Variants in ACACA observed in about 807,000 individuals in gnomAD.
ACACA encodes acetyl-CoA carboxylase alpha.
Under a neutral mutation model 296.1 loss-of-function variants are expected in ACACA, and 103 were observed. The ratio of observed to expected loss-of-function variants is 0.35; its 90% confidence interval spans 0.30 to 0.41. The LOEUF (loss-of-function observed/expected upper bound fraction) is 0.41, where lower values mean the gene tolerates loss of function less well. Among genes scored for constraint, ACACA ranks in the 10% least tolerant of loss-of-function variants. The pLI, the probability that ACACA is intolerant of heterozygous loss-of-function variation, is 1.00. For missense variants in ACACA, 1,554 were observed against 2,989.7 expected, an observed-to-expected ratio of 0.52 and a Z score of 11.20; for synonymous variants, 953 against 1,038.6, an observed-to-expected ratio of 0.92 and a Z score of 1.58.
intron 1 of ACACA, among the ~76,000 whole-genome samples, chr17:37,349,750 G>C (rs1469990160): frequency 6.6e-6 from 1 of 151,410 alleles, no homozygotes. Flanking sequence ...ATAGAGACAG[G>C]ATTGCACCAC....
intron 54 of ACACA, among the ~76,000 whole-genome samples, chr17:37,092,315 T>G (rs1012008719): frequency 6.6e-6 from 1 of 151,740 alleles, no homozygotes; most frequent in Non-Finnish European, 1.5e-5. Context: ...ATTCCTAGTA[T>G]TCCAGCGTGG....
intron 45 of ACACA, chr17:37,144,168 C>A: frequency 1.3e-6 from 1 of 744,604 alleles, no homozygotes; most frequent in Admixed American, 1.7e-5. Context: ...CTGAGCACTT[C>A]TTAGAAAACT....
At chr17:37,151,636 G>A (rs2076042111) in intron 43 of ACACA, among the ~76,000 whole-genome samples, 1 of 152,106 alleles carries the variant, frequency 6.6e-6, no homozygotes, top group East Asian at 1.9e-4. Context: ...TTAATAGAAA[G>A]AGCGAAATCT....
intron 1 of ACACA, among the ~76,000 whole-genome samples, chr17:37,389,594 G>A (rs2050701600): frequency 6.6e-6 from 1 of 152,052 alleles, no homozygotes; most frequent in African/African-American, 2.4e-5. Context: ...GGCTGAGGCA[G>A]GAGAATCGCT....
intron 26 of ACACA, 60 bp from the exon 27 acceptor site, chr17:37,225,165 T>C: frequency 7.1e-6 from 7 of 979,908 alleles, no homozygotes; most frequent in Admixed American, 1.7e-5. Context: ...TAGACTCCTA[T>C]TAGGCAGCTC....
intron 16 of ACACA, 38 bp from the exon 17 acceptor site, chr17:37,248,712 C>T (rs750904246): frequency 4.9e-6 from 7 of 1,415,872 alleles, no homozygotes; most frequent in Non-Finnish European, 7.0e-6. Context: ...CTACAAAGTT[C>T]TAACAGTTAT....
chr17:37,318,542 C>T (rs1236176098), intron 3 of ACACA, among the ~76,000 whole-genome samples: 1 of 152,068 alleles, frequency 6.6e-6, no homozygotes, highest in East Asian at 1.9e-4. Flanking sequence ...CGCCTGGCCT[C>T]CTGCATTTTC....
intron 54 of ACACA, among the ~76,000 whole-genome samples, chr17:37,094,300 T>C (rs1057104458): frequency 1.4e-4 from 21 of 152,220 alleles, no homozygotes; most frequent in African/African-American, 5.1e-4. Context: ...AAAAGAATTA[T>C]AGTGCTCAGT....
intron 26 of ACACA, 56 bp from the exon 27 acceptor site, chr17:37,225,161 CCT>C (rs146613199): frequency 0.016 from 16,054 of 1,011,264 alleles, 271 homozygotes; most frequent in African/African-American, 0.055. Flanking sequence ...ATTCTAGACT[CCT>C]ATTAGGCAGC....
chr17:37,129,303 A>G, intron 47 of ACACA, 62 bp downstream of exon 47: 2 of 1,601,582 alleles, frequency 1.2e-6, no homozygotes, highest in Non-Finnish European at 1.7e-6. Context: ...TTGGATAGTG[A>G]TTGAAAAGAA....
chr17:37,350,083 A>G (rs1331166795), intron 1 of ACACA, among the ~76,000 whole-genome samples: 2 of 152,088 alleles, frequency 1.3e-5, no homozygotes, highest in East Asian at 1.9e-4. Flanking sequence ...TAATCCCAAC[A>G]CTTTCGGAGG....
At position 37,246,873 on chromosome 17, in the gene ACACA, C is replaced by T. The variant is rs760913570; in HGVS notation, c.2413G>A (p.Glu805Lys). ...CCGGCAAACACATGACCTCCATCTTCTACAATGTACTGGATTAACTTCCCA... is the reference window on the plus strand; with the variant it reads ...CCGGCAAACACATGACCTCCATCTTTTACAATGTACTGGATTAACTTCCCA... ...SAGKLIQYIV[E>K]DGGHVFAGQC... The change falls in exon 19 of 56, where the codon GAA becomes AAA. Residue 805 changes from glutamate (E) to lysine (K), a missense_variant. This residue lies in a region of ACACA where 316 missense variants were observed against 540.9 expected (regional missense o/e 0.58). Coordinates refer to ENST00000616317, the MANE Select transcript of ACACA (RefSeq NM_198834.3). 1 of 1,614,128 alleles carries T rather than the reference C, an allele frequency of 6.2e-7. No individual in the cohort carries two copies. Among genetic ancestry groups the T allele is most frequent in the East Asian group, 2.2e-5 (1 of 44,886 alleles).
chr17:37,212,623 T>C (rs776898826), intron 29 of ACACA, among the ~76,000 whole-genome samples: 1 of 152,062 alleles, frequency 6.6e-6, no homozygotes, highest in Non-Finnish European at 1.5e-5. Context: ...ATGTCCATAA[T>C]GATCATTTAC....
intron 3 of ACACA, among the ~76,000 whole-genome samples, chr17:37,325,650 C>T (rs572858714): frequency 3.6e-5 from 5 of 140,294 alleles, no homozygotes; most frequent in East Asian, 2.3e-4. Flanking sequence ...CTCGGCTCAC[C>T]GCAACCTCTG....
chr17:37,151,291 A>G lies in ACACA; in HGVS notation c.5568+10T>C. 2 of 1,613,892 alleles carry G rather than the reference A, an allele frequency of 1.2e-6. No homozygotes were observed. Among genetic ancestry groups the G allele is most frequent in the East Asian group, 4.5e-5 (2 of 44,864 alleles). The stretch of plus-strand genomic sequence containing the variant: ...GTTCTTCAAAAATTTCACATTCTGG[A>G]AAGATTTACCAGGCTGATGGTAATG... On this transcript the variant is annotated intron_variant, in intron 44 of 55. Transcript: ENST00000616317.
intron 3 of ACACA, among the ~76,000 whole-genome samples, chr17:37,323,248 T>A (rs1002863782): frequency 1.3e-5 from 2 of 152,228 alleles, no homozygotes; most frequent in East Asian, 3.9e-4. Flanking sequence ...GCAAGACACA[T>A]CCCTGTGGTA....
chr17:37,197,093 G>A (rs1192356416), intron 35 of ACACA, among the ~76,000 whole-genome samples: 1 of 152,170 alleles, frequency 6.6e-6, no homozygotes, highest in Admixed American at 6.5e-5. Context: ...TCTCCATGCA[G>A]TGTCAACGGA....
At chr17:37,289,626 C>T (rs1011768904) in intron 3 of ACACA, 11 of 611,474 alleles carry the variant, frequency 1.8e-5, no homozygotes, top group Non-Finnish European at 3.2e-5. Flanking sequence ...GATACCTAAC[C>T]AATACCATGT....
chr17:37,319,816 G>A (rs1244183019), intron 3 of ACACA, among the ~76,000 whole-genome samples: 1 of 152,080 alleles, frequency 6.6e-6, no homozygotes, highest in Non-Finnish European at 1.5e-5. Context: ...GCTGGGGGTG[G>A]TGGCAGGCCC....
Sources: allele counts gnomAD v4.1 joint callset (sites outside exome capture counted in the v4.1 genomes callset), GRCh38; gene constraint gnomAD v4.1.1; regional missense constraint gnomAD v4.1.1; transcripts MANE v1.5; gene names NCBI Gene and HGNC (gene_info 2026-07-23, HGNC 2026-07-21).